Variants in STARD13 observed in about 807,000 individuals in gnomAD.
STARD13 encodes stAR-related lipid transfer protein 13.
Under a neutral mutation model 106.4 loss-of-function variants are expected in STARD13, and 62 were observed. The observed-to-expected ratio is 0.58, with a 90% CI of 0.48 to 0.72. STARD13 has a LOEUF of 0.72. STARD13 is among the 30% of genes least tolerant of loss of function. The pLI is 0.00. For synonymous variants in STARD13, 565 were observed against 553.0 expected (o/e 1.02, Z -0.31); for missense variants, 1,387 against 1,424.0 (o/e 0.97, Z 0.42).
chr13:33,277,827 C>T (rs1594206881), intron 1 of STARD13: 2 of 152,184 alleles, frequency 1.3e-5, no homozygotes, highest in Admixed American at 6.5e-5. Flanking sequence ...TATACCGACT[C>T]AGCTTTCTGT....
In STARD13 at chr13:33,129,674, G is replaced by A; in HGVS notation, c.1003C>T (p.Pro335Ser). Residue 335 changes from proline (P) to serine (S), a missense_variant, in exon 5 of 14, where the codon CCG becomes TCG. Physicochemically the swap from Pro to Ser is moderately conservative, Grantham distance 74 (BLOSUM62 -1). Transcript: ENST00000336934. ...CSGKSSGESS[P>S]SEHSSSGVST... is the part of the protein sequence containing the mutation. ...ACCCCGCTGCTGCTGTGCTCCGACG[G>A]GCTGCTCTCGCCACTCGACTTGCCA... 2.5e-6 allele frequency: 4 copies of A among 1,614,022 alleles called. No homozygotes were observed. Among genetic ancestry groups the A allele is most frequent in the Non-Finnish European group, 3.4e-6 (4 of 1,180,038 alleles).
intron 1 of STARD13, among the ~76,000 whole-genome samples, chr13:33,265,536 G>C (rs979360847): frequency 2.0e-5 from 3 of 151,848 alleles, no homozygotes; most frequent in African/African-American, 7.3e-5. Flanking sequence ...CTAAAATCAG[G>C]CACTAAATTA....
chr13:33,585,879 A>T, the STARD13 span, among the ~76,000 whole-genome samples: 2 of 152,206 alleles, frequency 1.3e-5, no homozygotes, highest in African/African-American at 4.8e-5. Context: ...AATTACTTAG[A>T]GTAGGCAACT....
the STARD13 span, among the ~76,000 whole-genome samples, chr13:33,636,532 T>G: frequency 6.6e-6 from 1 of 152,094 alleles, no homozygotes; most frequent in Non-Finnish European, 1.5e-5. Context: ...TTACCCTAAT[T>G]ATGGGACTAT....
the STARD13 span, among the ~76,000 whole-genome samples, chr13:33,481,676 A>G: frequency 6.6e-6 from 1 of 152,190 alleles, no homozygotes; most frequent in Non-Finnish European, 1.5e-5. Flanking sequence ...AGTCAAATCC[A>G]TAAATTAAAA....
intron 3 of STARD13, chr13:33,158,842 A>G (rs1882291747): frequency 6.6e-6 from 1 of 152,196 alleles, no homozygotes; most frequent in South Asian, 2.1e-4. Flanking sequence ...GAAGGGAAAG[A>G]AACTCCACAC....
intron 1 of STARD13, among the ~76,000 whole-genome samples, chr13:33,259,176 T>C (rs1174227617): frequency 6.6e-6 from 1 of 152,210 alleles, no homozygotes; most frequent in Non-Finnish European, 1.5e-5. Context: ...CATCTTGTCT[T>C]GCCCAGCATC....
chr13:33,441,892 C>T, the STARD13 span, among the ~76,000 whole-genome samples: 1 of 152,182 alleles, frequency 6.6e-6, no homozygotes, highest in African/African-American at 2.4e-5. Flanking sequence ...ATGAAAGGGA[C>T]ATCATTTGAC....
the STARD13 span, among the ~76,000 whole-genome samples, chr13:33,451,161 T>C: frequency 6.6e-6 from 1 of 152,322 alleles, no homozygotes; most frequent in East Asian, 1.9e-4. Context: ...ATTATAGGTA[T>C]GAGCCCCCAT....
At chr13:33,317,772 A>G (rs1221756369) in intron 1 of STARD13, among the ~76,000 whole-genome samples, 1 of 152,170 alleles carries the variant, frequency 6.6e-6, no homozygotes, top group Non-Finnish European at 1.5e-5. Context: ...AGTAAACTCT[A>G]TGAGAGCACG....
At chr13:33,465,040 C>G in the STARD13 span, among the ~76,000 whole-genome samples, 1 of 152,030 alleles carries the variant, frequency 6.6e-6, no homozygotes, top group African/African-American at 2.4e-5. Context: ...GTTCATATAG[C>G]CAATGTATTA....
At chr13:33,161,708 T>TTA (rs773194530) in intron 3 of STARD13, among the ~76,000 whole-genome samples, 105 of 152,186 alleles carry the variant, frequency 6.9e-4, no homozygotes, top group Non-Finnish European at 1.1e-3. Context: ...CAATTTTACT[T>TTA]TATATATATA....
intron 1 of STARD13, among the ~76,000 whole-genome samples, chr13:33,332,347 T>G (rs921233617): frequency 1.3e-5 from 2 of 152,168 alleles, no homozygotes; most frequent in African/African-American, 4.8e-5. Flanking sequence ...TGTGTCCCCC[T>G]CAAATTTCAT....
At chr13:33,589,833 A>G in the STARD13 span, among the ~76,000 whole-genome samples, 2 of 152,156 alleles carry the variant, frequency 1.3e-5, no homozygotes, top group African/African-American at 4.8e-5. Context: ...TGCAGAGCTG[A>G]GTTCAATTCC....
chr13:33,465,166 G>C, the STARD13 span, among the ~76,000 whole-genome samples: 2 of 148,868 alleles, frequency 1.3e-5, no homozygotes, highest in Non-Finnish European at 3.0e-5. Flanking sequence ...ATGATCTGTT[G>C]CCTGCCTTAC....
At chr13:33,664,794 T>G in the STARD13 span, among the ~76,000 whole-genome samples, 1 of 152,036 alleles carries the variant, frequency 6.6e-6, no homozygotes, top group Admixed American at 6.6e-5. Context: ...GCCCGGCTAA[T>G]TTTTTGTATT....
chr13:33,104,216 G>A lies in STARD13; in HGVS notation c.*1377C>T, dbSNP rs1873419718. On this transcript the variant is annotated 3_prime_UTR_variant, in exon 14 of 14. Transcript: ENST00000336934. ...ACAATAAGTTATCTTTCTCTCTATA[G>A]CTGTTGAATTACAATAAAAAGCACA... 1.3e-5 allele frequency: 2 copies of A among 152,056 alleles called. No homozygotes were observed. The highest frequency in any genetic ancestry group is 4.8e-5 in the African/African-American group (2 of 41,402). 9.4% of individuals were successfully genotyped at this position (152,056 alleles called of 1,614,324 possible).
the STARD13 span, among the ~76,000 whole-genome samples, chr13:33,464,958 AGGTTT>A: frequency 1.3e-5 from 2 of 152,126 alleles, no homozygotes; most frequent in African/African-American, 4.8e-5. Context: ...TTAAAACCTT[AGGTTT>A]TTCCCATCTC....
At chr13:33,328,493 C>T (rs953390753) in intron 1 of STARD13, among the ~76,000 whole-genome samples, 6 of 152,214 alleles carry the variant, frequency 3.9e-5, no homozygotes, top group African/African-American at 1.2e-4. Context: ...TAACTATTGT[C>T]GGTTTTTCTA....
Sources: gnomAD v4.1 joint callset for allele counts (sites outside exome capture counted in the v4.1 genomes callset) on GRCh38, gnomAD v4.1.1 for gene constraint, MANE v1.5 for transcripts, NCBI Gene and HGNC (gene_info 2026-07-23, HGNC 2026-07-21) for gene names.